Variants in MACROD2 observed in about 807,000 individuals in gnomAD.
The protein encoded by MACROD2 is mono-ADP ribosylhydrolase 2, also known as ADP-ribose glycohydrolase MACROD2.
MACROD2 carries 36 observed loss-of-function variants against 70.4 expected under a neutral mutation model. The ratio of observed to expected loss-of-function variants is 0.51; its 90% confidence interval spans 0.39 to 0.68. MACROD2 has a LOEUF of 0.68. Ranked by LOEUF, MACROD2 falls within the 30% of genes least tolerant of loss-of-function variation. The pLI is 0.00. For synonymous variants in MACROD2, 172 were observed against 178.8 expected, an observed-to-expected ratio of 0.96 and a Z score of 0.30; for missense variants, 496 against 538.4, an observed-to-expected ratio of 0.92 and a Z score of 0.78.
At chr20:15,961,812 G>T (rs139871899) in intron 12 of MACROD2, among the ~76,000 whole-genome samples, 1 of 152,106 alleles carries the variant, frequency 6.6e-6, no homozygotes, top group Non-Finnish European at 1.5e-5. Context: ...CACACCCATG[G>T]CCTGGTAAGA....
intron 3 of MACROD2, among the ~76,000 whole-genome samples, chr20:14,091,574 C>G (rs1160832176): frequency 6.6e-6 from 1 of 151,912 alleles, no homozygotes; most frequent in African/African-American, 2.4e-5. Context: ...ATATATATAT[C>G]AAAACATCAC....
chr20:15,423,979 C>G (rs1301787443), intron 6 of MACROD2, among the ~76,000 whole-genome samples: 28 of 152,158 alleles, frequency 1.8e-4, no homozygotes, highest in Admixed American at 1.8e-3. Flanking sequence ...AAGTTGCAGA[C>G]AGCCAACTTA....
intron 8 of MACROD2, among the ~76,000 whole-genome samples, chr20:15,705,159 A>G (rs2050514626): frequency 1.3e-5 from 2 of 152,238 alleles, no homozygotes; most frequent in African/African-American, 4.8e-5. Context: ...ATGATATATA[A>G]TACAATTCCT....
intron 3 of MACROD2, among the ~76,000 whole-genome samples, chr20:14,354,706 A>G (rs547202247): frequency 2.0e-5 from 3 of 152,304 alleles, no homozygotes; most frequent in Non-Finnish European, 4.4e-5. Flanking sequence ...CTTATCACAT[A>G]GGCCCTGAGC....
intron 3 of MACROD2, among the ~76,000 whole-genome samples, chr20:14,137,458 G>C (rs146885635): frequency 5.2e-4 from 79 of 152,176 alleles, no homozygotes; most frequent in African/African-American, 1.8e-3. Context: ...ACTCCCTTTA[G>C]CATTTGTTGT....
chr20:15,655,366 C>T (rs142070981), intron 8 of MACROD2, among the ~76,000 whole-genome samples: 55 of 145,390 alleles, frequency 3.8e-4, no homozygotes, highest in African/African-American at 1.3e-3. Context: ...GTTGATTTAC[C>T]GATAGAATAT....
intron 4 of MACROD2, among the ~76,000 whole-genome samples, chr20:14,594,141 G>A (rs1285689267): frequency 6.6e-6 from 1 of 152,154 alleles, no homozygotes; most frequent in Non-Finnish European, 1.5e-5. Flanking sequence ...TCAGGGAGTT[G>A]TAAGGAACTG....
chr20:15,193,556 G>A (rs1941245396), intron 5 of MACROD2, among the ~76,000 whole-genome samples: 1 of 152,142 alleles, frequency 6.6e-6, no homozygotes, highest in Non-Finnish European at 1.5e-5. Context: ...GCTGAGGTCG[G>A]AGGAACTCTT....
chr20:14,734,547 A>C (rs950356845), intron 5 of MACROD2, among the ~76,000 whole-genome samples: 5 of 21,900 alleles, frequency 2.3e-4, no homozygotes, highest in African/African-American at 4.7e-4. Context: ...ACAAAAAAGC[A>C]AAAAAAAAAA....
chr20:14,574,634 CAT>C, intron 4 of MACROD2, among the ~76,000 whole-genome samples: 1 of 151,408 alleles, frequency 6.6e-6, no homozygotes, highest in African/African-American at 2.4e-5. Context: ...TGAAAAATTA[CAT>C]ATATAAATTA....
chr20:15,796,074 C>T (rs1026664669), intron 8 of MACROD2, among the ~76,000 whole-genome samples: 1 of 152,080 alleles, frequency 6.6e-6, no homozygotes, highest in South Asian at 2.1e-4. Context: ...TGTGTTGCAC[C>T]CCAACACCTC....
intron 5 of MACROD2, among the ~76,000 whole-genome samples, chr20:14,977,357 G>T (rs1358802912): frequency 1.6e-5 from 2 of 125,410 alleles, no homozygotes; most frequent in African/African-American, 5.9e-5. Flanking sequence ...TTCTTTTTAT[G>T]CTGTTTTCTT....
chr20:14,515,622 C>T (rs1042676355), intron 4 of MACROD2, among the ~76,000 whole-genome samples: 1 of 151,976 alleles, frequency 6.6e-6, no homozygotes, highest in East Asian at 1.9e-4. Flanking sequence ...ACAAATACTG[C>T]ATGATCTCAC....
intron 2 of MACROD2, among the ~76,000 whole-genome samples, chr20:14,084,193 T>G (rs1291734716): frequency 2.6e-5 from 4 of 152,014 alleles, no homozygotes; most frequent in South Asian, 4.1e-4. Context: ...GCCAAATTTT[T>G]TTTTTTGGGG....
At chr20:15,828,863 A>G (rs1326129244) in intron 8 of MACROD2, among the ~76,000 whole-genome samples, 2 of 152,260 alleles carry the variant, frequency 1.3e-5, no homozygotes, top group Admixed American at 6.5e-5. Context: ...ACTGCATTAC[A>G]TGCTTTAATC....
At chr20:14,406,188 G>T (rs565079216) in intron 3 of MACROD2, among the ~76,000 whole-genome samples, 7 of 152,210 alleles carry the variant, frequency 4.6e-5, no homozygotes, top group African/African-American at 1.7e-4. Context: ...TGGATAAGAT[G>T]TACTTATTCT....
intron 5 of MACROD2, among the ~76,000 whole-genome samples, chr20:14,719,869 G>A (rs1264524199): frequency 1.3e-5 from 2 of 152,168 alleles, no homozygotes. Context: ...TCCCACCAGA[G>A]CATTGGCCCT....
chr20:14,674,736 C>T (rs184565107), intron 4 of MACROD2, among the ~76,000 whole-genome samples: 1 of 152,206 alleles, frequency 6.6e-6, no homozygotes, highest in East Asian at 1.9e-4. Context: ...ATTTGATTTC[C>T]CCACAGCTTC....
chr20:14,728,790 A>C (rs2123698125), intron 5 of MACROD2, among the ~76,000 whole-genome samples: 1 of 152,296 alleles, frequency 6.6e-6, no homozygotes, highest in South Asian at 2.1e-4. Context: ...AATTATTATA[A>C]GCTTCTTATA....
Sources: gnomAD v4.1 joint callset for allele counts (sites outside exome capture counted in the v4.1 genomes callset) on GRCh38, gnomAD v4.1.1 for gene constraint, MANE v1.5 for transcripts, NCBI Gene and HGNC (gene_info 2026-07-23, HGNC 2026-07-21) for gene names.